Variants in PRKN observed in about 807,000 individuals in gnomAD.
PRKN encodes parkin RBR E3 ubiquitin protein ligase, also known as E3 ubiquitin-protein ligase parkin.
A neutral mutation model predicts 59.5 loss-of-function variants in PRKN; 56 were observed. The observed-to-expected ratio is 0.94, with a 90% CI of 0.76 to 1.18. The LOEUF (loss-of-function observed/expected upper bound fraction) is 1.18, where lower values mean the gene tolerates loss of function less well. Ranked by LOEUF, PRKN falls within the 50% of genes most tolerant of loss-of-function variation. The pLI, the probability that PRKN is intolerant of heterozygous loss-of-function variation, is 0.00. For synonymous variants in PRKN, 250 were observed against 222.1 expected (o/e 1.13, Z -1.12); for missense variants, 657 against 596.4 (o/e 1.10, Z -1.06).
At chr6:161,910,781 T>A (rs527677704) in intron 6 of PRKN, among the ~76,000 whole-genome samples, 13 of 152,274 alleles carry the variant, frequency 8.5e-5, no homozygotes, top group African/African-American at 3.1e-4. Flanking sequence ...CCCAAACAAT[T>A]TGGCAGTCAA....
At chr6:161,717,324 C>T (rs1262932676) in intron 7 of PRKN, among the ~76,000 whole-genome samples, 3 of 152,148 alleles carry the variant, frequency 2.0e-5, no homozygotes, top group Non-Finnish European at 4.4e-5. Context: ...CCCAAAGGTC[C>T]CACCCACCTC....
At chr6:161,754,584 C>T (rs536551863) in intron 7 of PRKN, among the ~76,000 whole-genome samples, 2 of 152,200 alleles carry the variant, frequency 1.3e-5, no homozygotes, top group South Asian at 2.1e-4. Flanking sequence ...GTCCCTGCGG[C>T]CTCTCAGAGG....
At chr6:162,264,224 C>T (rs1427041292) in intron 2 of PRKN, among the ~76,000 whole-genome samples, 2 of 152,050 alleles carry the variant, frequency 1.3e-5, no homozygotes, top group Non-Finnish European at 2.9e-5. Context: ...TTGGAGTGAG[C>T]CAAGATCATG....
At chr6:162,452,328 GC>G (rs1790665029) in intron 1 of PRKN, among the ~76,000 whole-genome samples, 2 of 152,090 alleles carry the variant, frequency 1.3e-5, no homozygotes, top group South Asian at 4.1e-4. Flanking sequence ...CATCATAAGT[GC>G]TAAATACAGA....
At chr6:162,223,872 G>A (rs1471797113) in intron 3 of PRKN, among the ~76,000 whole-genome samples, 1 of 152,034 alleles carries the variant, frequency 6.6e-6, no homozygotes, top group Admixed American at 6.6e-5. Context: ...TTTGTAATAT[G>A]AGATAGGAAT....
intron 1 of PRKN, among the ~76,000 whole-genome samples, chr6:162,568,201 T>G (rs1033315777): frequency 6.6e-6 from 1 of 152,220 alleles, no homozygotes; most frequent in Non-Finnish European, 1.5e-5. Context: ...GACACTGGTC[T>G]GTCTGGGTAA....
At chr6:161,647,595 A>AT (rs34864910) in intron 7 of PRKN, among the ~76,000 whole-genome samples, 14 of 150,640 alleles carry the variant, frequency 9.3e-5, no homozygotes, top group East Asian at 7.8e-4. Flanking sequence ...CCTTGTCAAC[A>AT]TTTTTTTTTT....
At chr6:161,367,067 T>G (rs936872835) in intron 10 of PRKN, among the ~76,000 whole-genome samples, 2 of 139,534 alleles carry the variant, frequency 1.4e-5, no homozygotes, top group Admixed American at 1.5e-4. Flanking sequence ...CTCGGCTCAC[T>G]GCAAGCTCCG....
At chr6:162,036,196 C>T (rs1010151047) in intron 5 of PRKN, among the ~76,000 whole-genome samples, 7 of 150,840 alleles carry the variant, frequency 4.6e-5, no homozygotes, top group African/African-American at 7.3e-5. Context: ...TGGTGGCGGG[C>T]GCCTGTAGTC....
At position 161,483,789 on chromosome 6, in the gene PRKN, T is replaced by G. The variant is rs6925986; in HGVS notation, c.1083+65065A>C. 0.057 allele frequency among the ~76,000 whole-genome samples: 8,743 copies of G among 152,152 alleles called. 824 individuals carry two copies. Among genetic ancestry groups the G allele is most frequent in the African/African-American group, 0.2 (8,339 of 41,464 alleles). On this transcript the variant is annotated intron_variant, in intron 9 of 11. Coordinates refer to ENST00000366898, the MANE Select transcript of PRKN (RefSeq NM_004562.3). The surrounding 1 kb of genome is among the most constrained non-coding windows in gnomAD (Gnocchi z 5.0). Reference sequence around the variant, plus strand: ...TTGGAATCAACCCAGATGCCCATCATTGATAGACTGGATAAAGAAAATGTG... The same window carrying G: ...TTGGAATCAACCCAGATGCCCATCAGTGATAGACTGGATAAAGAAAATGTG...
At chr6:161,433,626 T>C (rs1788750070) in intron 9 of PRKN, among the ~76,000 whole-genome samples, 2 of 152,134 alleles carry the variant, frequency 1.3e-5, no homozygotes. Flanking sequence ...GAAGAGCCCA[T>C]TCATGTGTTT....
chr6:162,054,702 C>A (rs900240985), intron 4 of PRKN, among the ~76,000 whole-genome samples: 10 of 152,246 alleles, frequency 6.6e-5, no homozygotes, highest in Non-Finnish European at 1.5e-4. Context: ...CAGCAAGCTT[C>A]CCTAGGCATC....
intron 6 of PRKN, among the ~76,000 whole-genome samples, chr6:161,940,087 G>C (rs1203588441): frequency 4.6e-5 from 7 of 151,824 alleles, no homozygotes; most frequent in Non-Finnish European, 1.0e-4. Flanking sequence ...GTAGAGACGG[G>C]GTTTCTCCAT....
chr6:162,344,167 CAAGTT>C, intron 2 of PRKN, among the ~76,000 whole-genome samples: 1 of 152,128 alleles, frequency 6.6e-6, no homozygotes, highest in East Asian at 1.9e-4. Context: ...AGTCTAATAC[CAAGTT>C]AAGACTTGGT....
intron 2 of PRKN, among the ~76,000 whole-genome samples, chr6:162,415,646 G>A (rs76654100): frequency 2.6e-5 from 4 of 151,906 alleles, no homozygotes; most frequent in Non-Finnish European, 4.4e-5. Context: ...GATGAAACCC[G>A]TCTGTACTAA....
chr6:161,680,260 G>A (rs1044950525), intron 7 of PRKN, among the ~76,000 whole-genome samples: 13 of 152,144 alleles, frequency 8.5e-5, no homozygotes, highest in Non-Finnish European at 1.3e-4. Context: ...GGCTGACTCG[G>A]TAACCTACAG....
intron 6 of PRKN, among the ~76,000 whole-genome samples, chr6:161,898,361 C>T (rs527353307): frequency 1.1e-4 from 16 of 152,250 alleles, no homozygotes; most frequent in Admixed American, 9.2e-4. Flanking sequence ...ACGAAGGTCC[C>T]ACGAGCAATA....
chr6:162,573,338 C>T (rs915214586), intron 1 of PRKN, among the ~76,000 whole-genome samples: 4 of 152,144 alleles, frequency 2.6e-5, no homozygotes, highest in Non-Finnish European at 5.9e-5. Context: ...ACAGGCAGGC[C>T]CAGGAGCTGA....
chr6:161,913,063 C>G (rs1344851768), intron 6 of PRKN, among the ~76,000 whole-genome samples: 5 of 151,506 alleles, frequency 3.3e-5, no homozygotes, highest in Non-Finnish European at 5.9e-5. Context: ...CTGTAATCCT[C>G]CCAGGGAGGC....
Sources: allele counts gnomAD v4.1 joint callset (sites outside exome capture counted in the v4.1 genomes callset), GRCh38; gene constraint gnomAD v4.1.1; non-coding constraint Gnocchi (gnomAD v3.1); transcripts MANE v1.5; gene names NCBI Gene and HGNC (gene_info 2026-07-23, HGNC 2026-07-21).